The following RTTN variants were observed in gnomAD, a reference collection of about 807,000 sequenced individuals.
The protein encoded by RTTN is rotatin.
RTTN carries 182 observed loss-of-function variants against 269.2 expected under a neutral mutation model. That is an observed-to-expected ratio of 0.68 (90% CI 0.60 to 0.76). The LOEUF is 0.76. Ranked by LOEUF, RTTN falls within the 30% of genes least tolerant of loss-of-function variation. The pLI is 0.00. For missense variants in RTTN, 2,545 were observed against 2,608.6 expected (o/e 0.98, Z 0.53); for synonymous variants, 1,006 against 963.5 (o/e 1.04, Z -0.82).
Position 70,169,086 on chromosome 18 carries a change from C to G in RTTN, c.1477-19G>C, listed in dbSNP as rs1599879965. ...CGCTTGCCTTGGTGAATTAAAAAAA[C>G]AAAAAAATTAAAACTTTGTTTAAAA... On this transcript the variant is annotated intron_variant, in intron 11 of 48. Coordinates refer to ENST00000640769, the MANE Select transcript of RTTN (RefSeq NM_173630.4). 6.5e-6 allele frequency: 10 copies of G among 1,540,886 alleles called. No homozygotes were observed. The highest frequency in any genetic ancestry group is 7.9e-6 in the Non-Finnish European group (9 of 1,145,720).
intron 8 of RTTN, 73 bp from the exon 9 acceptor site, chr18:70,190,792 C>G (rs963393948): frequency 2.9e-6 from 3 of 1,036,138 alleles, no homozygotes; most frequent in Admixed American, 3.7e-5. Context: ...TATCTGCTGC[C>G]TCGCATATTA....
At chr18:70,147,403 C>T (rs964416732) in intron 17 of RTTN, among the ~76,000 whole-genome samples, 2 of 151,982 alleles carry the variant, frequency 1.3e-5, no homozygotes, top group African/African-American at 4.8e-5. Flanking sequence ...TAGGATATAG[C>T]CTAGGTTATG....
chr18:70,191,833 C>A (rs2061678952), intron 8 of RTTN, among the ~76,000 whole-genome samples: 1 of 152,208 alleles, frequency 6.6e-6, no homozygotes, highest in Admixed American at 6.5e-5. Flanking sequence ...ACTCGGGCTT[C>A]TCTGTAACTC....
In RTTN at chr18:70,020,719, A is replaced by T. The variant is rs1331026852; in HGVS notation, c.6049T>A (p.Leu2017Met). 1.2e-6 allele frequency: 2 copies of T among 1,614,020 alleles called. No homozygotes were observed. The highest frequency in any genetic ancestry group is 2.7e-5 in the African/African-American group (2 of 74,940). Residue 2017 changes from leucine to methionine, a missense_variant, in exon 45 of 49, where the codon TTG becomes ATG. Leu to Met is a conservative substitution (Grantham distance 15). Coordinates refer to ENST00000640769, the MANE Select transcript of RTTN (RefSeq NM_173630.4). Reference sequence around the variant, plus strand: ...TTCTCCAGTGGCATCTGGGAAGCCAACTTTAGGATACACAGCATCAGAGAG... The same window carrying T: ...TTCTCCAGTGGCATCTGGGAAGCCATCTTTAGGATACACAGCATCAGAGAG... ...SNSLMLCILK[L>M]ASQMPLENTT...
At chr18:70,145,815 C>G in intron 17 of RTTN, 32 bp from the exon 18 acceptor site, 3 of 1,546,030 alleles carry the variant, frequency 1.9e-6, no homozygotes, top group Non-Finnish European at 2.6e-6. Context: ...GTCGAACTTT[C>G]GTGATATGCA....
intron 26 of RTTN, among the ~76,000 whole-genome samples, chr18:70,116,952 T>C (rs1051998215): frequency 2.0e-5 from 3 of 152,044 alleles, no homozygotes; most frequent in African/African-American, 7.2e-5. Context: ...GTATTCAAAT[T>C]CAGCACTTCT....
intron 37 of RTTN, 88 bp downstream of exon 37, chr18:70,057,654 C>T (rs1190166820): frequency 5.4e-6 from 5 of 918,410 alleles, no homozygotes; most frequent in Non-Finnish European, 8.7e-6. Context: ...GGTTTTCATC[C>T]TTTTCCTATG....
At chr18:70,051,387 A>T (rs1398184940) in intron 39 of RTTN, 24 bp downstream of exon 39, 1 of 1,586,212 alleles carries the variant, frequency 6.3e-7, no homozygotes, top group Admixed American at 1.9e-5. Flanking sequence ...GAAAGCCCCC[A>T]AGATTATGCA....
At chr18:70,190,926 G>A (rs2061655423) in intron 8 of RTTN, among the ~76,000 whole-genome samples, 1 of 152,164 alleles carries the variant, frequency 6.6e-6, no homozygotes, top group Non-Finnish European at 1.5e-5. Context: ...GGTGGCTCAT[G>A]CCTGTCATCC....
chr18:70,009,521 A>G (rs569579748), intron 46 of RTTN, among the ~76,000 whole-genome samples: 1 of 152,334 alleles, frequency 6.6e-6, no homozygotes, highest in African/African-American at 2.4e-5. Context: ...TTTACAGAAA[A>G]GCAAATGCTG....
intron 14 of RTTN, among the ~76,000 whole-genome samples, chr18:70,155,105 T>C (rs2145828050): frequency 6.6e-6 from 1 of 152,338 alleles, no homozygotes; most frequent in Admixed American, 6.5e-5. Flanking sequence ...CACTAGCTTC[T>C]TTTAATTAGC....
chr18:70,201,810 A>T (rs951176654), intron 4 of RTTN, 84 bp downstream of exon 4: 2 of 800,136 alleles, frequency 2.5e-6, no homozygotes, highest in Non-Finnish European at 4.1e-6. Context: ...AGTTTGGTAA[A>T]AATACATCTT....
chr18:70,156,862 A>G (rs750441270), intron 14 of RTTN, among the ~76,000 whole-genome samples: 15 of 152,298 alleles, frequency 9.8e-5, no homozygotes, highest in Non-Finnish European at 1.9e-4. Flanking sequence ...CCAGAAGTAG[A>G]AAGAGCAGGG....
intron 40 of RTTN, among the ~76,000 whole-genome samples, chr18:70,047,548 A>G (rs2057524931): frequency 6.6e-6 from 1 of 152,190 alleles, no homozygotes; most frequent in Admixed American, 6.5e-5. Flanking sequence ...TATACATGTA[A>G]CCAACCCCAA....
chr18:70,032,638 A>G (rs2057050118), intron 40 of RTTN, among the ~76,000 whole-genome samples: 2 of 152,242 alleles, frequency 1.3e-5, no homozygotes, highest in Non-Finnish European at 2.9e-5. Context: ...GCTATCCTAA[A>G]TATATATGCA....
chr18:70,026,264 G>A (rs73970820), intron 43 of RTTN, among the ~76,000 whole-genome samples: 1 of 152,118 alleles, frequency 6.6e-6, no homozygotes, highest in Non-Finnish European at 1.5e-5. Flanking sequence ...TCTGATAAGA[G>A]TCTGGATATT....
chr18:70,081,512 A>G (rs1258894727), intron 32 of RTTN, among the ~76,000 whole-genome samples: 1 of 152,132 alleles, frequency 6.6e-6, no homozygotes, highest in East Asian at 1.9e-4. Flanking sequence ...AGAGAGATAT[A>G]ATATCTCTTG....
intron 26 of RTTN, among the ~76,000 whole-genome samples, chr18:70,116,200 T>C (rs552793954): frequency 6.6e-6 from 1 of 152,100 alleles, no homozygotes; most frequent in Non-Finnish European, 1.5e-5. Flanking sequence ...CCAAAACTAC[T>C]GACAAAATGA....
At chr18:70,139,472 T>C in intron 21 of RTTN, 127 bp downstream of exon 21, 1 of 621,196 alleles carries the variant, frequency 1.6e-6, no homozygotes. Context: ...TTTACATTAG[T>C]AGTGTATTCA....
Sources: gnomAD v4.1 joint callset for allele counts (sites outside exome capture counted in the v4.1 genomes callset) on GRCh38, gnomAD v4.1.1 for gene constraint, MANE v1.5 for transcripts, NCBI Gene and HGNC (gene_info 2026-07-23, HGNC 2026-07-21) for gene names.